Variants in SHE observed in about 807,000 individuals in gnomAD.
The protein encoded by SHE is SH2 domain-containing adapter protein E.
Under a neutral mutation model 49.8 loss-of-function variants are expected in SHE, and 11 were observed. The ratio of observed to expected loss-of-function variants is 0.22; its 90% CI spans 0.14 to 0.37. SHE has a LOEUF of 0.37. Ranked by LOEUF, SHE falls within the 10% of genes least tolerant of loss-of-function variation. SHE has a pLI of 1.00. For synonymous variants in SHE, 310 were observed against 278.1 expected (o/e 1.11, Z -1.14); for missense variants, 624 against 655.5 (o/e 0.95, Z 0.52).
At chr1:154,492,979 C>T (rs947663864) in intron 2 of SHE, among the ~76,000 whole-genome samples, 1 of 152,198 alleles carries the variant, frequency 6.6e-6, no homozygotes, top group East Asian at 1.9e-4. Context: ...AGTGTTCCTA[C>T]CGGGCCTTCC....
rs1293494935 is a variant in SHE, at chr1:154,499,218, A to G, written c.612T>C (p.Tyr204=). The G allele has an allele frequency of 6.2e-7, 1 of 1,613,868 alleles. No homozygotes were observed. Among genetic ancestry groups the G allele is most frequent in the Non-Finnish European group, 8.5e-7 (1 of 1,179,906 alleles). Residue 204 remains tyrosine, a synonymous_variant, in exon 2 of 6, where the codon TAT becomes TAC. Coordinates refer to ENST00000304760, the MANE Select transcript of SHE (RefSeq NM_001010846.3). ...QQETVIILED[Y]ADPYDAKRTK... ...TCCGTTTGGCATCATAAGGGTCAGC[A>G]TAGTCTTCTAAAATGATGACCTGAA...
rs1692052642 is a variant in SHE at position 154,482,673 on chromosome 1, C to T, written c.*1476G>A. ...GCCATTCACCATAGTACTCTTCTCA[C>T]AGTATGCCATTCCCATGGTTTTTTT... On this transcript the variant is annotated 3_prime_UTR_variant, in exon 6 of 6. Transcript: ENST00000304760. 1.0e-6 allele frequency: 1 copy of T among 985,294 alleles called. No individual in the cohort carries two copies. Among genetic ancestry groups the T allele is most frequent in the African/African-American group, 1.7e-5 (1 of 57,224 alleles). The allele number at this position is 985,294 out of a possible 1,614,324, so 61.0% of individuals were successfully genotyped here.
intron 2 of SHE, among the ~76,000 whole-genome samples, chr1:154,498,145 T>C (rs1372454066): frequency 6.6e-6 from 1 of 152,080 alleles, no homozygotes; most frequent in African/African-American, 2.4e-5. Context: ...CAGGCTGGAG[T>C]GCAATGGCTC....
intron 3 of SHE, among the ~76,000 whole-genome samples, 171 bp downstream of exon 3, chr1:154,488,880 C>G (rs1369998002): frequency 4.6e-5 from 7 of 152,210 alleles, no homozygotes; most frequent in African/African-American, 1.7e-4. Context: ...CCACCGTGCC[C>G]AGCCAGGTGG....
intron 1 of SHE, among the ~76,000 whole-genome samples, chr1:154,473,146 G>A (rs1691783073): frequency 6.6e-6 from 1 of 151,920 alleles, no homozygotes; most frequent in Non-Finnish European, 1.5e-5. Context: ...TTACAGGCAT[G>A]TGCCACCATG....
rs1692370171 is a variant in SHE at position 154,491,682 on chromosome 1, C to CTGGA, written c.719-2330_719-2327dup. Among the ~76,000 whole-genome samples the CTGGA allele has an allele frequency of 3.3e-5, 5 of 152,192 alleles. No homozygotes were observed. In the South Asian group the frequency reaches 1.0e-3, roughly 32 times the overall value. On this transcript the variant is annotated intron_variant, in intron 2 of 5. Coordinates refer to ENST00000304760, the MANE Select transcript of SHE (RefSeq NM_001010846.3). ...GACATATCATTGTGCTAAATAATGA[C>CTGGA]TGGATGGATGGATGGGAGGAGAGAG...
chr1:154,474,665 T>C (rs1329540482), downstream of SHE, among the ~76,000 whole-genome samples: 1 of 152,044 alleles, frequency 6.6e-6, no homozygotes, highest in Non-Finnish European at 1.5e-5. Flanking sequence ...CCACCATGCC[T>C]GGATAATTTT....
At chr1:154,498,101 G>GT (rs1039298136) in intron 2 of SHE, among the ~76,000 whole-genome samples, 82 of 149,512 alleles carry the variant, frequency 5.5e-4, no homozygotes, top group African/African-American at 1.6e-3. Context: ...GTTTTTGTTT[G>GT]TTTTTTTTGA....
Position 154,494,889 on chromosome 1 carries a change from T to C in SHE, c.718+4223A>G, listed in dbSNP as rs532043332. ...CAACATGGTGAAACCCCGTCTCTACTAAAAATACGAAAATTAGCCAGGTGT... is the reference window on the plus strand; with the variant it reads ...CAACATGGTGAAACCCCGTCTCTACCAAAAATACGAAAATTAGCCAGGTGT... On this transcript the variant is annotated intron_variant, in intron 2 of 5. Transcript: ENST00000304760. 7.2e-5 allele frequency among the ~76,000 whole-genome samples: 11 copies of C among 152,240 alleles called. No individual in the cohort carries two copies. In the South Asian group the frequency reaches 2.3e-3, roughly 32 times the overall value.
At chr1:154,484,403 G>T in intron 5 of SHE, 68 bp from the exon 6 acceptor site, 1 of 1,381,648 alleles carries the variant, frequency 7.2e-7, no homozygotes. Flanking sequence ...GAAAACAATT[G>T]CAGCCAGATT....
chr1:154,485,830 T>A, intron 5 of SHE, 113 bp downstream of exon 5: 1 of 1,294,940 alleles, frequency 7.7e-7, no homozygotes, highest in South Asian at 1.5e-5. Context: ...CCTCTTATTT[T>A]CTGCAATGCA....
chr1:154,498,813 T>A (rs571569363), intron 2 of SHE, among the ~76,000 whole-genome samples: 1 of 152,350 alleles, frequency 6.6e-6, no homozygotes, highest in African/African-American at 2.4e-5. Flanking sequence ...ATGTATATAA[T>A]CATGTTAAAA....
At chr1:154,493,081 A>G (rs1011986343) in intron 2 of SHE, among the ~76,000 whole-genome samples, 2 of 152,226 alleles carry the variant, frequency 1.3e-5, no homozygotes, top group African/African-American at 2.4e-5. Context: ...TACTTTTGCA[A>G]CGAGGTCCTT....
intron 1 of SHE, among the ~76,000 whole-genome samples, chr1:154,500,105 G>A (rs1247412547): frequency 6.6e-6 from 1 of 152,142 alleles, no homozygotes; most frequent in Non-Finnish European, 1.5e-5. Context: ...GAAGCGAAGA[G>A]GAGGAAACAG....
intron 1 of SHE, among the ~76,000 whole-genome samples, chr1:154,471,071 G>GT (rs1691732132): frequency 6.6e-6 from 1 of 151,934 alleles, no homozygotes; most frequent in Non-Finnish European, 1.5e-5. Context: ...CAGCACTGCT[G>GT]TAAGGGCTGG....
chr1:154,473,810 A>T (rs1486657780), intron 1 of SHE, among the ~76,000 whole-genome samples: 3 of 143,648 alleles, frequency 2.1e-5, no homozygotes, highest in South Asian at 4.4e-4. Flanking sequence ...CTCAAAAAAT[A>T]AAAAAAAAAA....
Position 154,492,655 on chromosome 1 carries a change from C to G in SHE, c.719-3299G>C, listed in dbSNP as rs149145069. 3.9e-5 allele frequency among the ~76,000 whole-genome samples: 6 copies of G among 152,190 alleles called. No individual in the cohort carries two copies. In the East Asian group the frequency reaches 1.2e-3, roughly 29 times the overall value. Reference sequence around the variant, plus strand: ...ACAAGAAACAAAAACATACTCTGTTCTTGGTTCAATTAAGACAAGGCTGTA... The same window carrying G: ...ACAAGAAACAAAAACATACTCTGTTGTTGGTTCAATTAAGACAAGGCTGTA... On this transcript the variant is annotated intron_variant, in intron 2 of 5. Transcript: ENST00000304760.
At chr1:154,490,291 T>C (rs1462663225) in intron 2 of SHE, among the ~76,000 whole-genome samples, 6 of 152,258 alleles carry the variant, frequency 3.9e-5, no homozygotes, top group Non-Finnish European at 8.8e-5. Context: ...TATCGATGGC[T>C]TACCATGTGT....
intron 2 of SHE, among the ~76,000 whole-genome samples, chr1:154,497,687 C>CT (rs888010144): frequency 4.3e-4 from 64 of 148,116 alleles, no homozygotes; most frequent in African/African-American, 9.1e-4. Context: ...TTTTTCTTTT[C>CT]TTTTTTTTTT....
Sources: allele counts gnomAD v4.1 joint callset (sites outside exome capture counted in the v4.1 genomes callset), GRCh38; gene constraint gnomAD v4.1.1; transcripts MANE v1.5; gene names NCBI Gene and HGNC (gene_info 2026-07-23, HGNC 2026-07-21).